DNAH10: variants seen among roughly 807,000 people sequenced by gnomAD.
DNAH10 encodes dynein axonemal heavy chain 10.
A neutral mutation model predicts 506.6 loss-of-function variants in DNAH10; 348 were observed. That is an observed-to-expected ratio of 0.69 (90% CI 0.63 to 0.75). The LOEUF (loss-of-function observed/expected upper bound fraction) is 0.75. DNAH10 is among the 30% of genes least tolerant of loss of function. The pLI, the probability that DNAH10 is intolerant of heterozygous loss-of-function variation, is 0.00. For missense variants in DNAH10, 5,179 were observed against 5,787.1 expected (o/e 0.89, Z 3.41); for synonymous variants, 2,059 against 2,198.6 (o/e 0.94, Z 1.78).
intron 2 of DNAH10, among the ~76,000 whole-genome samples, chr12:123,770,224 G>A (rs1210543135): frequency 6.6e-6 from 1 of 151,648 alleles, no homozygotes; most frequent in African/African-American, 2.4e-5. Flanking sequence ...CTCCAGCCTG[G>A]GTGACACAGT....
At chr12:123,805,198 C>G (rs1036450937) in intron 18 of DNAH10, among the ~76,000 whole-genome samples, 158 bp downstream of exon 18, 1 of 152,090 alleles carries the variant, frequency 6.6e-6, no homozygotes, top group African/African-American at 2.4e-5. Context: ...GGGGGATGAC[C>G]TTCATGATCT....
rs760341984 is a variant in DNAH10, at chr12:123,838,605, A to G, written c.5052A>G (p.Pro1684=). The G allele has an allele frequency of 1.1e-5, 17 of 1,613,880 alleles. No individual in the cohort carries two copies. The highest frequency in any genetic ancestry group is 1.3e-5 in the African/African-American group (1 of 74,928). ...DYLDSKRNAF[P]RFFFISDDEL... ...TAGATTCGAAGAGAAATGCTTTCCCAAGGTTCTTCTTCATTTCTGACGATG... is the reference window on the plus strand; with the variant it reads ...TAGATTCGAAGAGAAATGCTTTCCCGAGGTTCTTCTTCATTTCTGACGATG... The change falls in exon 29 of 79, where the codon CCA becomes CCG. Residue 1684 remains proline (P), a synonymous_variant. Transcript: ENST00000673944.
At position 123,804,875 on chromosome 12, in the gene DNAH10, G is replaced by C; in HGVS notation, c.2822G>C (p.Ser941Thr). ...GAACACATTGAGCGAGAAAGGGCCA[G>C]CGACGTGGACCACATGGTCCGGTGG... Reference protein sequence around the residue: ...FFEHIERERASDVDHMVRWYL... With the variant: ...FFEHIERERATDVDHMVRWYL... The change falls in exon 18 of 79, where the codon AGC becomes ACC. Residue 941 changes from serine to threonine, a missense_variant. Physicochemically the swap from Ser to Thr is moderately conservative, Grantham distance 58. Around this residue, in one of 3 missense-constraint regions of DNAH10, gnomAD observed 4,844 missense variants for 5,430.5 expected, o/e 0.89. Transcript: ENST00000673944. 1.2e-6 allele frequency: 2 copies of C among 1,613,108 alleles called. No individual in the cohort carries two copies. The highest frequency in any genetic ancestry group is 8.5e-7 in the Non-Finnish European group (1 of 1,179,968).
chr12:123,906,134 A>G (rs2341569), intron 57 of DNAH10, among the ~76,000 whole-genome samples: 65,947 of 151,670 alleles, frequency 0.43, 16,077 homozygotes, highest in African/African-American at 0.67. Context: ...GGGTTTCACC[A>G]TGTTAGCCAG....
At chr12:123,915,125 AC>A in intron 62 of DNAH10, 126 bp downstream of exon 62, 6 of 1,298,854 alleles carry the variant, frequency 4.6e-6, no homozygotes, top group Non-Finnish European at 6.1e-6. Context: ...TTCCATCCTG[AC>A]CCCCATGCGG....
intron 32 of DNAH10, among the ~76,000 whole-genome samples, chr12:123,847,089 T>G (rs992082799): frequency 1.3e-5 from 2 of 148,202 alleles, no homozygotes; most frequent in Non-Finnish European, 2.9e-5. Flanking sequence ...TGTATCTATC[T>G]ATCTATCTAA....
chr12:123,904,355 A>G (rs1035619805), intron 57 of DNAH10, among the ~76,000 whole-genome samples: 1 of 152,200 alleles, frequency 6.6e-6, no homozygotes, highest in Non-Finnish European at 1.5e-5. Flanking sequence ...GTCAGCACAC[A>G]CATCCTCCAG....
chr12:123,765,861 A>G (rs1269099007), intron 1 of DNAH10, among the ~76,000 whole-genome samples: 1 of 142,314 alleles, frequency 7.0e-6, no homozygotes, highest in Non-Finnish European at 1.5e-5. Context: ...ACCTACCTAT[A>G]CATCTATCTG....
rs1013197081 is a variant in DNAH10, at chr12:123,917,125, A to G, written c.11002+389A>G. 6.6e-6 allele frequency among the ~76,000 whole-genome samples: 1 copy of G among 152,126 alleles called. No homozygotes were observed. Among genetic ancestry groups the G allele is most frequent in the African/African-American group, 2.4e-5 (1 of 41,424 alleles). Reference sequence around the variant, plus strand: ...ATCTCTTACATTCTCTAGGGCTGTCATGCTCCTGCTTAAATAGGCTAATTT... The same window carrying G: ...ATCTCTTACATTCTCTAGGGCTGTCGTGCTCCTGCTTAAATAGGCTAATTT... On this transcript the variant is annotated intron_variant, in intron 63 of 78. Coordinates refer to ENST00000673944, the MANE Select transcript of DNAH10 (RefSeq NM_001372106.1). This position sits in a 1 kb window ranked among gnomAD's most constrained non-coding sequence, Gnocchi z 5.6.
intron 28 of DNAH10, among the ~76,000 whole-genome samples, chr12:123,836,009 G>A (rs1961094523): frequency 6.6e-6 from 1 of 152,230 alleles, no homozygotes; most frequent in Non-Finnish European, 1.5e-5. Context: ...TTAGCTGCTG[G>A]CATATGACAC....
In DNAH10 at chr12:123,935,555, C is replaced by A; in HGVS notation, c.*74C>A. On this transcript the variant is annotated 3_prime_UTR_variant, in exon 79 of 79. Coordinates refer to ENST00000673944, the MANE Select transcript of DNAH10 (RefSeq NM_001372106.1). ...AGAGTGATCGGGTCTGCTGTCATTT[C>A]TTGGGGCCTCTCAAGAGGCAGGAGG... 6.8e-7 allele frequency: 1 copy of A among 1,459,994 alleles called. No homozygotes were observed. The highest frequency in any genetic ancestry group is 9.3e-7 in the Non-Finnish European group (1 of 1,080,082). The allele number at this position is 1,459,994 out of a possible 1,614,324, so 90.4% of individuals were successfully genotyped here. A position where few individuals can be genotyped will look rare whatever the true frequency, so the allele number is the denominator to read the frequency against.
In DNAH10 at chr12:123,850,443, G is replaced by A. The variant is rs1951111789; in HGVS notation, c.6103-445G>A. ...GCAAAGCCAGGTGAGAGGAATGGAA[G>A]CCGGCGCTGTGTGAGGTGGTGGGCT... On this transcript the variant is annotated intron_variant, in intron 34 of 78. Transcript: ENST00000673944. The surrounding 1 kb of genome is among the most constrained non-coding windows in gnomAD (Gnocchi z 5.5). Among the ~76,000 whole-genome samples, 1 of 152,190 alleles carries A rather than the reference G, an allele frequency of 6.6e-6. No individual in the cohort carries two copies. Among genetic ancestry groups the A allele is most frequent in the South Asian group, 2.1e-4 (1 of 4,832 alleles).
intron 54 of DNAH10, 84 bp downstream of exon 54, chr12:123,894,807 T>C: frequency 8.0e-7 from 1 of 1,245,096 alleles, no homozygotes; most frequent in South Asian, 1.3e-5. Flanking sequence ...ATTCTGGTCT[T>C]GTAGATTTCT....
chr12:123,930,677 G>A (rs780177438), intron 73 of DNAH10, 104 bp downstream of exon 73: 5 of 1,354,846 alleles, frequency 3.7e-6, no homozygotes, highest in African/African-American at 1.5e-5. Context: ...GGCTGGTCAG[G>A]TGTGGTCTGT....
rs763299442 is a variant in DNAH10 at position 123,916,631 on chromosome 12, G to A, written c.10897G>A (p.Glu3633Lys). The A allele has an allele frequency of 6.2e-7, 1 of 1,613,890 alleles. No individual in the cohort carries two copies. Among genetic ancestry groups the A allele is most frequent in the South Asian group, 1.1e-5 (1 of 91,078 alleles). The change falls in exon 63 of 79, where the codon GAA becomes AAA. Residue 3633 changes from glutamate (E) to lysine (K), a missense_variant. This residue lies in a region of DNAH10 where 4,844 missense variants were observed against 5,430.5 expected (regional missense o/e 0.89). Coordinates refer to ENST00000673944, the MANE Select transcript of DNAH10 (RefSeq NM_001372106.1). This position sits in a 1 kb window ranked among gnomAD's most constrained non-coding sequence, Gnocchi z 4.6. ...GCAGTTTATTATCCTGGGAGACAAG[G>A]AAGTGGACTATGATTCAAATTTCAG... ...GRQFIILGDKEVDYDSNFRLY... is the reference protein window; with the variant it reads ...GRQFIILGDKKVDYDSNFRLY...
In DNAH10 at chr12:123,853,719, G is replaced by T. The variant is rs1250899492; in HGVS notation, c.6438+367G>T. The stretch of plus-strand genomic sequence containing the variant: ...TGAAACAAAAGAGGGGAACAATTGT[G>T]TTTTTTTTACATGGACTTTAAATAA... On this transcript the variant is annotated intron_variant, in intron 36 of 78. Coordinates refer to ENST00000673944, the MANE Select transcript of DNAH10 (RefSeq NM_001372106.1). The surrounding 1 kb of genome is among the most constrained non-coding windows in gnomAD (Gnocchi z 4.7). 6.6e-6 allele frequency among the ~76,000 whole-genome samples: 1 copy of T among 151,866 alleles called. No homozygotes were observed. Among genetic ancestry groups the T allele is most frequent in the Non-Finnish European group, 1.5e-5 (1 of 67,956 alleles).
chr12:123,916,715 G>A lies in DNAH10; in HGVS notation c.10981G>A (p.Ala3661Thr). The A allele has an allele frequency of 6.2e-7, 1 of 1,612,000 alleles. No homozygotes were observed. Among genetic ancestry groups the A allele is most frequent in the Non-Finnish European group, 8.5e-7 (1 of 1,178,768 alleles). The part of the protein sequence containing the change: ...PRYSPSVFGK[A>T]MVINYTVTLK... ...ATATTCCCCATCCGTGTTTGGGAAA[G>A]CTATGGTGATCAATTACACTGGTAA... is the stretch of plus-strand genomic sequence containing the variant. The change falls in exon 63 of 79, where the codon GCT becomes ACT. Residue 3661 changes from alanine (A) to threonine (T), a missense_variant. Physicochemically the swap from Ala to Thr is moderately conservative, Grantham distance 58 (BLOSUM62 0). Coordinates refer to ENST00000673944, the MANE Select transcript of DNAH10 (RefSeq NM_001372106.1). The surrounding 1 kb of genome is among the most constrained non-coding windows in gnomAD (Gnocchi z 4.6).
chr12:123,859,045 G>GTA (rs1279294518), intron 37 of DNAH10, 105 bp from the exon 38 acceptor site: 2 of 1,068,948 alleles, frequency 1.9e-6, no homozygotes, highest in East Asian at 5.4e-5. Context: ...CCATTGACTT[G>GTA]TACCCTTTCA....
At position 123,788,002 on chromosome 12, in the gene DNAH10, G is replaced by A. The variant is rs1270929491; in HGVS notation, c.1620G>A (p.Gln540=). ...GCCAGGACCTCTCCGACGTTCTGCAGGTAGGGGCTGGGCGAAGGCCGGCGG... is the reference window on the plus strand; with the variant it reads ...GCCAGGACCTCTCCGACGTTCTGCAAGTAGGGGCTGGGCGAAGGCCGGCGG... ...TICQDLSDVL[Q]ILEEFYNIFG... The change falls in exon 10 of 79, where the codon CAG becomes CAA. Residue 540 remains glutamine (Q), a splice_region_variant and synonymous_variant. Transcript: ENST00000673944. The A allele has an allele frequency of 6.4e-7, 1 of 1,562,168 alleles. No homozygotes were observed. Among genetic ancestry groups the A allele is most frequent in the Non-Finnish European group, 8.7e-7 (1 of 1,152,554 alleles).
Sources: gnomAD v4.1 joint callset for allele counts (sites outside exome capture counted in the v4.1 genomes callset) on GRCh38, gnomAD v4.1.1 for gene constraint, gnomAD v4.1.1 regional missense constraint, Gnocchi (gnomAD v3.1) non-coding constraint, MANE v1.5 for transcripts, NCBI Gene and HGNC (gene_info 2026-07-23, HGNC 2026-07-21) for gene names.